The following MYO5B variants were observed in gnomAD, a reference collection of about 807,000 sequenced individuals.
MYO5B encodes the protein unconventional myosin-Vb.
Under a neutral mutation model 229.3 loss-of-function variants are expected in MYO5B, and 143 were observed. That is an observed-to-expected ratio of 0.62 (90% CI 0.54 to 0.72). MYO5B has a LOEUF of 0.72. MYO5B is among the 30% of genes least tolerant of loss of function. The pLI is 0.00. For synonymous variants in MYO5B, 918 were observed against 885.2 expected (o/e 1.04, Z -0.66); for missense variants, 2,321 against 2,331.0 (o/e 1.00, Z 0.09).
intron 17 of MYO5B, among the ~76,000 whole-genome samples, chr18:49,914,143 G>A (rs901468430): frequency 1.3e-5 from 2 of 152,140 alleles, no homozygotes; most frequent in African/African-American, 2.4e-5. Context: ...ATCCACCGAC[G>A]GCAGAGCTAA....
chr18:50,063,180 C>T (rs562057715), intron 1 of MYO5B, among the ~76,000 whole-genome samples: 1 of 152,258 alleles, frequency 6.6e-6, no homozygotes, highest in East Asian at 1.9e-4. Flanking sequence ...TCAGCGCTTC[C>T]AGATTATTTC....
At chr18:49,856,240 C>G (rs2024260721) in intron 30 of MYO5B, among the ~76,000 whole-genome samples, 3 of 152,202 alleles carry the variant, frequency 2.0e-5, no homozygotes, top group African/African-American at 7.2e-5. Context: ...AGTGTCCCCA[C>G]CCCATGAAGG....
intron 1 of MYO5B, among the ~76,000 whole-genome samples, chr18:50,180,790 T>C (rs2144347499): frequency 6.6e-6 from 1 of 152,358 alleles, no homozygotes; most frequent in Non-Finnish European, 1.5e-5. Context: ...GTAACTGTCT[T>C]ATTTCACTTA....
At position 49,910,487 on chromosome 18, in the gene MYO5B, A is replaced by G. The variant is rs201867058; in HGVS notation, c.2202+1575T>C. Among the ~76,000 whole-genome samples the G allele has an allele frequency of 5.9e-5, 9 of 152,210 alleles. No individual in the cohort carries two copies. In the East Asian group the frequency reaches 1.2e-3, roughly 20 times the overall value. On this transcript the variant is annotated intron_variant, in intron 18 of 39. Transcript: ENST00000285039. ...TTAAAATGTGGACACTGATAGGTGGACCACAGCAAAAACCTCAATCAACTG... is the reference window on the plus strand; with the variant it reads ...TTAAAATGTGGACACTGATAGGTGGGCCACAGCAAAAACCTCAATCAACTG...
rs79278781 is a variant in MYO5B at position 50,063,450 on chromosome 18, T to C, written c.28-8072A>G. 9.8e-3 allele frequency among the ~76,000 whole-genome samples: 1,495 copies of C among 152,270 alleles called. 27 individuals are homozygous for C. The highest frequency in any genetic ancestry group is 0.034 in the African/African-American group (1,413 of 41,568). On this transcript the variant is annotated intron_variant, in intron 1 of 39. Coordinates refer to ENST00000285039, the MANE Select transcript of MYO5B (RefSeq NM_001080467.3). Reference sequence around the variant, plus strand: ...CCCAAGTCCCACCCAGATGCCTCCCTATCTTGCTGCTGTTTTCTCTTAAAT... The same window carrying C: ...CCCAAGTCCCACCCAGATGCCTCCCCATCTTGCTGCTGTTTTCTCTTAAAT...
intron 1 of MYO5B, among the ~76,000 whole-genome samples, chr18:50,061,192 C>T (rs998735701): frequency 3.9e-5 from 6 of 152,170 alleles, no homozygotes; most frequent in African/African-American, 9.7e-5. Flanking sequence ...CAAACAGCTT[C>T]GGAGAGGAAT....
chr18:49,947,910 T>C lies in MYO5B; in HGVS notation c.1752+5350A>G, dbSNP rs139411466. On this transcript the variant is annotated intron_variant, in intron 14 of 39. Coordinates refer to ENST00000285039, the MANE Select transcript of MYO5B (RefSeq NM_001080467.3). ...TTTAAAAAAAGTCAACGTGCAGGTT[T>C]GTTACATCTGTATACATATGTATAC... Among the ~76,000 whole-genome samples, 755 of 152,348 alleles carry C rather than the reference T, an allele frequency of 5.0e-3. 5 individuals carry two copies. Among genetic ancestry groups the C allele is most frequent in the Middle Eastern group, 0.017 (5 of 294 alleles).
At chr18:49,886,585 T>C (rs4939912) in intron 22 of MYO5B, among the ~76,000 whole-genome samples, 4 of 151,982 alleles carry the variant, frequency 2.6e-5, no homozygotes, top group Non-Finnish European at 2.9e-5. Flanking sequence ...GATAAAAATA[T>C]ACATGCATCA....
chr18:49,905,578 C>T (rs971524588), intron 19 of MYO5B, among the ~76,000 whole-genome samples: 9 of 152,226 alleles, frequency 5.9e-5, no homozygotes, highest in Admixed American at 2.6e-4. Context: ...GCCCATGTGT[C>T]ACCTGTTTGC....
intron 1 of MYO5B, among the ~76,000 whole-genome samples, chr18:50,148,242 T>G (rs1231899028): frequency 6.7e-6 from 1 of 150,332 alleles, no homozygotes; most frequent in East Asian, 2.0e-4. Flanking sequence ...CACAGCCGAA[T>G]TCTACCAGAG....
chr18:50,108,258 A>T (rs929963862), intron 1 of MYO5B, among the ~76,000 whole-genome samples: 4 of 152,092 alleles, frequency 2.6e-5, no homozygotes, highest in African/African-American at 9.7e-5. Context: ...TAATTTAACC[A>T]CCTATGTAAG....
At chr18:50,182,496 A>G (rs565100595) in intron 1 of MYO5B, among the ~76,000 whole-genome samples, 5 of 152,362 alleles carry the variant, frequency 3.3e-5, no homozygotes, top group African/African-American at 1.2e-4. Flanking sequence ...AAGGGCAAAA[A>G]TATGTGCCCA....
intron 9 of MYO5B, among the ~76,000 whole-genome samples, chr18:49,977,237 T>C (rs2025761417): frequency 6.6e-6 from 1 of 152,190 alleles, no homozygotes; most frequent in South Asian, 2.1e-4. Flanking sequence ...CAAAATTAAA[T>C]GATGCTAAAT....
chr18:49,843,117 T>G, intron 34 of MYO5B, 124 bp downstream of exon 34: 1 of 1,270,004 alleles, frequency 7.9e-7, no homozygotes, highest in Non-Finnish European at 1.1e-6. Flanking sequence ...GTGGCTCATT[T>G]ACCTTCAAAG....
chr18:50,097,627 A>G (rs921550656), intron 1 of MYO5B: 1 of 204,666 alleles, frequency 4.9e-6, no homozygotes, highest in African/African-American at 2.3e-5. Flanking sequence ...CTTCCTCTCC[A>G]GGCAATAAGC....
At chr18:50,007,300 A>G (rs530816008) in intron 4 of MYO5B, among the ~76,000 whole-genome samples, 9 of 152,252 alleles carry the variant, frequency 5.9e-5, no homozygotes, top group African/African-American at 2.2e-4. Context: ...CCTTTCCCTC[A>G]GGCCCTACAT....
At chr18:49,835,207 G>A in intron 39 of MYO5B, 137 bp downstream of exon 39, 2 of 682,210 alleles carry the variant, frequency 2.9e-6, no homozygotes, top group Non-Finnish European at 5.3e-6. Context: ...TAAGTAGAAA[G>A]TCTAGGAATG....
In MYO5B at chr18:49,906,422, C is replaced by A. The variant is rs767203225; in HGVS notation, c.2411G>T (p.Arg804Leu). Reference sequence around the variant, plus strand: ...GAGCTGCCACAGTCTGGCTCACCTGCGGGCCAGGTGTCCCCGGCAGTACCT... The same window carrying A: ...GAGCTGCCACAGTCTGGCTCACCTGAGGGCCAGGTGTCCCCGGCAGTACCT... ...LQRYCRGHLA[R>L]RLAEHLRRIR... Residue 804 changes from arginine to leucine, a missense_variant, in exon 19 of 40, where the codon CGC becomes CTC. By Grantham distance (102) the Arg-to-Leu change is moderately radical (BLOSUM62 -2). This residue lies in a region of MYO5B where 2,113 missense variants were observed against 2,044.7 expected (regional missense o/e 1.03). Transcript: ENST00000285039. 1.2e-5 allele frequency: 19 copies of A among 1,613,828 alleles called. No homozygotes were observed. The highest frequency in any genetic ancestry group is 1.6e-5 in the Non-Finnish European group (19 of 1,179,906).
At chr18:50,146,003 C>G (rs2032497081) in intron 1 of MYO5B, among the ~76,000 whole-genome samples, 1 of 152,112 alleles carries the variant, frequency 6.6e-6, no homozygotes, top group Non-Finnish European at 1.5e-5. Flanking sequence ...AAGGAGCAGC[C>G]CTTCCCAATA....
Sources: allele counts gnomAD v4.1 joint callset (sites outside exome capture counted in the v4.1 genomes callset), GRCh38; gene constraint gnomAD v4.1.1; regional missense constraint gnomAD v4.1.1; transcripts MANE v1.5; gene names NCBI Gene and HGNC (gene_info 2026-07-23, HGNC 2026-07-21).